VOPP1: variants seen among roughly 807,000 people sequenced by gnomAD.
VOPP1 encodes the protein VOPP1 WW domain binding protein.
Under a neutral mutation model 23.5 loss-of-function variants are expected in VOPP1, and 8 were observed. The ratio of observed to expected loss-of-function variants is 0.34; its 90% CI spans 0.20 to 0.61. The LOEUF is 0.61. Ranked by LOEUF, VOPP1 falls within the 20% of genes least tolerant of loss-of-function variation. The pLI is 0.78. For missense variants in VOPP1, 174 were observed against 238.1 expected, an observed-to-expected ratio of 0.73 and a Z score of 1.77; for synonymous variants, 83 against 97.3, an observed-to-expected ratio of 0.85 and a Z score of 0.86.
intron 4 of VOPP1, among the ~76,000 whole-genome samples, chr7:55,482,682 A>C (rs1476316356): frequency 6.6e-6 from 1 of 152,132 alleles, no homozygotes; most frequent in African/African-American, 2.4e-5. Flanking sequence ...TTAGGCACCC[A>C]GCCTTCAGGC....
downstream of VOPP1, chr7:55,470,572 C>T (rs1382700660): frequency 1.3e-5 from 2 of 152,314 alleles, no homozygotes; most frequent in African/African-American, 2.4e-5. Context: ...ACTTCATCTC[C>T]ACCCTCTTTC....
intron 2 of VOPP1, among the ~76,000 whole-genome samples, chr7:55,504,238 C>T (rs1474053340): frequency 1.3e-5 from 2 of 152,202 alleles, no homozygotes; most frequent in Non-Finnish European, 2.9e-5. Context: ...CTGCTTTTTA[C>T]ACTACTCATT....
chr7:55,499,518 G>A (rs2129026737), intron 2 of VOPP1, among the ~76,000 whole-genome samples: 1 of 152,342 alleles, frequency 6.6e-6, no homozygotes, highest in East Asian at 1.9e-4. Context: ...CCCTGCTGGG[G>A]AGGAGCTTTC....
chr7:55,551,597 T>G (rs572088638), intron 1 of VOPP1, among the ~76,000 whole-genome samples: 6 of 152,192 alleles, frequency 3.9e-5, no homozygotes, highest in African/African-American at 1.4e-4. Flanking sequence ...TTTTTCCCCC[T>G]TCCCTTAGGA....
At chr7:55,566,552 A>G (rs902780431) in intron 1 of VOPP1, among the ~76,000 whole-genome samples, 7 of 152,212 alleles carry the variant, frequency 4.6e-5, no homozygotes, top group Non-Finnish European at 8.8e-5. Context: ...ACAGAGGGAG[A>G]CCATATCTCT....
chr7:55,555,491 C>T (rs1216785127), intron 1 of VOPP1, among the ~76,000 whole-genome samples: 2 of 152,232 alleles, frequency 1.3e-5, no homozygotes, highest in African/African-American at 4.8e-5. Flanking sequence ...GCTTCCAGGG[C>T]TACCATGAGG....
chr7:55,493,164 ATGAATGGCTTCC>A (rs1443048934), intron 3 of VOPP1: 4 of 152,256 alleles, frequency 2.6e-5, no homozygotes, highest in African/African-American at 9.6e-5. Flanking sequence ...GAATGAACAC[ATGAATGGCTTCC>A]TTCCATTCCT....
chr7:55,510,411 G>A (rs575000325), intron 2 of VOPP1, among the ~76,000 whole-genome samples: 4 of 152,134 alleles, frequency 2.6e-5, no homozygotes, highest in South Asian at 2.1e-4. Flanking sequence ...GTGGAGGCCT[G>A]GGGAGTTTCT....
chr7:55,458,088 T>G (rs1791412495), intron 4 of VOPP1, among the ~76,000 whole-genome samples: 1 of 152,180 alleles, frequency 6.6e-6, no homozygotes, highest in South Asian at 2.1e-4. Flanking sequence ...TTTAATCATT[T>G]TAATTTTTGT....
intron 1 of VOPP1, among the ~76,000 whole-genome samples, chr7:55,556,272 T>C (rs1271703355): frequency 2.0e-5 from 3 of 152,198 alleles, no homozygotes; most frequent in African/African-American, 7.2e-5. Context: ...AGCAGGACAA[T>C]GACCCTGACT....
At chr7:55,539,748 G>C (rs1797027021) in intron 1 of VOPP1, 1 of 152,260 alleles carries the variant, frequency 6.6e-6, no homozygotes, top group African/African-American at 2.4e-5. Flanking sequence ...ACCTGGGACA[G>C]AGGTGGCCAC....
intron 2 of VOPP1, among the ~76,000 whole-genome samples, chr7:55,513,141 G>C (rs370427126): frequency 2.6e-5 from 4 of 151,934 alleles, no homozygotes; most frequent in Non-Finnish European, 1.5e-5. Flanking sequence ...GGTCAAAATC[G>C]ATAGTGCTGG....
At chr7:55,481,116 G>A (rs550024839) in intron 4 of VOPP1, among the ~76,000 whole-genome samples, 2 of 152,352 alleles carry the variant, frequency 1.3e-5, no homozygotes, top group East Asian at 1.9e-4. Flanking sequence ...GGTACTGGAG[G>A]AGCGTGCCGT....
At chr7:55,542,370 T>C in intron 1 of VOPP1, among the ~76,000 whole-genome samples, 1 of 152,218 alleles carries the variant, frequency 6.6e-6, no homozygotes, top group East Asian at 1.9e-4. Context: ...TCCTTCTAAC[T>C]GTATTTTCAT....
At chr7:55,562,165 T>C in intron 1 of VOPP1, 1 of 688,316 alleles carries the variant, frequency 1.5e-6, no homozygotes, top group Non-Finnish European at 2.7e-6. Flanking sequence ...CTGTAGATAC[T>C]GAAAGCTTTC....
At position 55,462,055 on chromosome 7, in the gene VOPP1, G is replaced by T. The variant is rs190930797; in HGVS notation, n.418-25881C>A. On this transcript the variant is annotated intron_variant and non_coding_transcript_variant, in intron 4 of 4. Coordinates refer to the VOPP1 transcript ENST00000462326. ...TGATGAATGCCCTCAGTTTTTGCTT[G>T]GCTGGGAAAGACTTTATTACTCTTT... Among the ~76,000 whole-genome samples the T allele has an allele frequency of 9.9e-5, 15 of 152,226 alleles. No individual in the cohort carries two copies. In the East Asian group the frequency reaches 2.7e-3, roughly 27 times the overall value.
At chr7:55,477,831 G>A (rs111757911) in intron 4 of VOPP1, among the ~76,000 whole-genome samples, 1,824 of 152,294 alleles carry the variant, frequency 0.012, 13 homozygotes, top group Admixed American at 0.021. Flanking sequence ...TGGTGACCAC[G>A]CTGGAGAGGC....
chr7:55,463,070 T>C (rs1423295355), intron 4 of VOPP1, among the ~76,000 whole-genome samples: 1 of 152,218 alleles, frequency 6.6e-6, no homozygotes, highest in Non-Finnish European at 1.5e-5. Context: ...TTTTATTCCA[T>C]TGTAGTCTGA....
chr7:55,556,642 C>CCG (rs1554301478), intron 1 of VOPP1, among the ~76,000 whole-genome samples: 1 of 151,038 alleles, frequency 6.6e-6, no homozygotes, highest in African/African-American at 2.4e-5. Flanking sequence ...TGGAACCCCC[C>CCG]CCCAAAACAC....
Sources: gnomAD v4.1 joint callset for allele counts (sites outside exome capture counted in the v4.1 genomes callset) on GRCh38, gnomAD v4.1.1 for gene constraint, MANE v1.5 for transcripts, NCBI Gene and HGNC (gene_info 2026-07-23, HGNC 2026-07-21) for gene names.